Variants in MTSS1 observed in about 807,000 individuals in gnomAD.
MTSS1 encodes the protein protein MTSS 1.
In MTSS1, 18 loss-of-function variants were observed where a neutral mutation model predicts 79.0. The observed-to-expected ratio is 0.23, with a 90% confidence interval of 0.16 to 0.34. The LOEUF (loss-of-function observed/expected upper bound fraction) is 0.34, where lower values mean the gene tolerates loss of function less well. Among genes scored for constraint, MTSS1 ranks in the 10% least tolerant of loss-of-function variants. MTSS1 has a pLI of 1.00. For synonymous variants in MTSS1, 341 were observed against 368.6 expected, an observed-to-expected ratio of 0.93 and a Z score of 0.86; for missense variants, 815 against 986.2, an observed-to-expected ratio of 0.83 and a Z score of 2.33.
intron 3 of MTSS1, among the ~76,000 whole-genome samples, chr8:124,591,562 C>T (rs192744443): frequency 6.6e-6 from 1 of 152,170 alleles, no homozygotes; most frequent in African/African-American, 2.4e-5. Flanking sequence ...TATAAATCGA[C>T]CATGACCTGT....
chr8:124,659,523 C>T (rs151011822), intron 3 of MTSS1, among the ~76,000 whole-genome samples: 53 of 152,250 alleles, frequency 3.5e-4, no homozygotes, highest in Middle Eastern at 3.4e-3. Flanking sequence ...AATCACATGG[C>T]GCTGCTCAGC....
intron 10 of MTSS1, among the ~76,000 whole-genome samples, chr8:124,560,739 A>G (rs559731640): frequency 5.9e-5 from 9 of 152,220 alleles, no homozygotes; most frequent in Non-Finnish European, 1.0e-4. Flanking sequence ...CTCATTTTTT[A>G]TAAAGAACCT....
chr8:124,639,501 G>A (rs993066596), intron 3 of MTSS1, among the ~76,000 whole-genome samples: 2 of 151,926 alleles, frequency 1.3e-5, no homozygotes, highest in Non-Finnish European at 2.9e-5. Flanking sequence ...CTGAGACAGG[G>A]TCTTGTTCTG....
intron 3 of MTSS1, among the ~76,000 whole-genome samples, chr8:124,692,932 G>T (rs891502277): frequency 6.6e-6 from 1 of 152,144 alleles, no homozygotes; most frequent in African/African-American, 2.4e-5. Flanking sequence ...CCTGTTAGAG[G>T]TGTCTCCAAT....
intron 1 of MTSS1, among the ~76,000 whole-genome samples, chr8:124,726,482 G>A (rs1310683149): frequency 2.0e-5 from 3 of 152,204 alleles, no homozygotes; most frequent in African/African-American, 4.8e-5. Context: ...TCTGGCTGCA[G>A]ATTATGCTAT....
In MTSS1 at chr8:124,684,660, G is replaced by A. The variant is rs571889506; in HGVS notation, c.208+14866C>T. On this transcript the variant is annotated intron_variant, in intron 3 of 13. Transcript: ENST00000518547. The stretch of plus-strand genomic sequence containing the variant: ...GTGAGTGTGCCAGACAGATACCACC[G>A]GGTTCCATCACTGGCCCCAAATGTC... Among the ~76,000 whole-genome samples, 7 of 152,176 alleles carry A rather than the reference G, an allele frequency of 4.6e-5. No individual in the cohort carries two copies. The East Asian group carries it at 9.6e-4, about 21-fold the overall frequency.
Position 124,582,361 on chromosome 8 carries a change from G to T in MTSS1, c.460+2726C>A, listed in dbSNP as rs1181058530. Among the ~76,000 whole-genome samples, 1 of 152,132 alleles carries T rather than the reference G, an allele frequency of 6.6e-6. No individual in the cohort carries two copies. Among genetic ancestry groups the T allele is most frequent in the Non-Finnish European group, 1.5e-5 (1 of 68,024 alleles). On this transcript the variant is annotated intron_variant, in intron 6 of 13. Coordinates refer to ENST00000518547, the MANE Select transcript of MTSS1 (RefSeq NM_014751.6). The surrounding 1 kb of genome is among the most constrained non-coding windows in gnomAD (Gnocchi z 4.8). ...GAGTCGAAGAATGTGATAAAAGGTG[G>T]TATCTGCAGAGTAAGAAGGAAAGTG... is the stretch of plus-strand genomic sequence containing the variant.
chr8:124,558,564 G>T, intron 10 of MTSS1: 1 of 1,173,274 alleles, frequency 8.5e-7, no homozygotes, highest in Non-Finnish European at 1.1e-6. Flanking sequence ...AATGCCCTCA[G>T]CCTTGTCCCA....
At chr8:124,587,453 C>T (rs1831056534) in intron 5 of MTSS1, among the ~76,000 whole-genome samples, 1 of 152,212 alleles carries the variant, frequency 6.6e-6, no homozygotes, top group Non-Finnish European at 1.5e-5. Context: ...GAATTTGCCT[C>T]TCTCCCTAAC....
intron 3 of MTSS1, among the ~76,000 whole-genome samples, chr8:124,593,862 G>C (rs975068824): frequency 1.3e-5 from 2 of 152,136 alleles, no homozygotes; most frequent in Non-Finnish European, 2.9e-5. Flanking sequence ...AAGGGAGATG[G>C]GACAGAGCAG....
At chr8:124,671,443 A>C (rs1477553315) in intron 3 of MTSS1, among the ~76,000 whole-genome samples, 1 of 152,144 alleles carries the variant, frequency 6.6e-6, no homozygotes, top group East Asian at 1.9e-4. Context: ...CAGGAAAGTC[A>C]CGACTTTCTC....
intron 3 of MTSS1, among the ~76,000 whole-genome samples, chr8:124,630,955 C>A (rs1815810385): frequency 6.6e-6 from 1 of 152,188 alleles, no homozygotes; most frequent in South Asian, 2.1e-4. Flanking sequence ...CACCTACCAG[C>A]ATGTTCCTAA....
chr8:124,627,889 G>A (rs1815037727), intron 3 of MTSS1, among the ~76,000 whole-genome samples: 1 of 152,190 alleles, frequency 6.6e-6, no homozygotes, highest in Non-Finnish European at 1.5e-5. Flanking sequence ...AGCAGTGACT[G>A]GTCGCGGTGG....
At chr8:124,667,487 A>T (rs1823315284) in intron 3 of MTSS1, among the ~76,000 whole-genome samples, 1 of 152,088 alleles carries the variant, frequency 6.6e-6, no homozygotes, top group South Asian at 2.1e-4. Flanking sequence ...TCTACTAAAA[A>T]TACAAAATTA....
chr8:124,605,170 C>G (rs558749794), intron 3 of MTSS1, among the ~76,000 whole-genome samples: 1 of 152,292 alleles, frequency 6.6e-6, no homozygotes, highest in East Asian at 1.9e-4. Context: ...CATCTGCCAC[C>G]ATGAACCCCC....
intron 10 of MTSS1, among the ~76,000 whole-genome samples, chr8:124,559,031 A>G (rs1824676843): frequency 1.3e-5 from 2 of 152,176 alleles, no homozygotes; most frequent in Admixed American, 6.5e-5. Flanking sequence ...AGTTGCATCC[A>G]TGCAGAGGCT....
chr8:124,566,581 G>A (rs545305320), intron 8 of MTSS1, among the ~76,000 whole-genome samples: 1 of 152,322 alleles, frequency 6.6e-6, no homozygotes, highest in African/African-American at 2.4e-5. Flanking sequence ...TTCATAAGAT[G>A]AGAGAGCTCT....
intron 3 of MTSS1, among the ~76,000 whole-genome samples, chr8:124,637,766 C>A (rs1266105950): frequency 6.6e-6 from 1 of 152,192 alleles, no homozygotes; most frequent in Non-Finnish European, 1.5e-5. Context: ...TAATCTTCCC[C>A]CACAAGCTAA....
chr8:124,688,273 G>A (rs1827330030), intron 3 of MTSS1, among the ~76,000 whole-genome samples: 1 of 151,818 alleles, frequency 6.6e-6, no homozygotes. Flanking sequence ...GTGTATGTGT[G>A]TGTATATATG....
Sources: allele counts gnomAD v4.1 joint callset (sites outside exome capture counted in the v4.1 genomes callset), GRCh38; gene constraint gnomAD v4.1.1; non-coding constraint Gnocchi (gnomAD v3.1); transcripts MANE v1.5; gene names NCBI Gene and HGNC (gene_info 2026-07-23, HGNC 2026-07-21).